ANKFN1: variants seen among roughly 807,000 people sequenced by gnomAD.
ANKFN1 encodes the protein ankyrin repeat and fibronectin type III domain containing 1.
ANKFN1 carries 74 observed loss-of-function variants against 108.7 expected under a neutral mutation model. That is an observed-to-expected ratio of 0.68 (90% confidence interval 0.56 to 0.83). ANKFN1 has a LOEUF of 0.83. Among genes scored for constraint, ANKFN1 ranks in the 40% least tolerant of loss-of-function variants. The probability of loss-of-function intolerance (pLI) is 0.00; values close to 1 mark genes in which losing one functional copy is unlikely to be tolerated. For synonymous variants in ANKFN1, 547 were observed against 516.2 expected (o/e 1.06, Z -0.81); for missense variants, 1,505 against 1,382.3 (o/e 1.09, Z -1.41).
intron 3 of ANKFN1, among the ~76,000 whole-genome samples, chr17:56,287,485 CT>C (rs1390584428): frequency 1.3e-5 from 2 of 152,248 alleles, no homozygotes; most frequent in East Asian, 3.9e-4. Context: ...CCTAACACAC[CT>C]TTGACCCCCA....
intron 17 of ANKFN1, among the ~76,000 whole-genome samples, chr17:56,481,968 T>G (rs944450704): frequency 1.3e-5 from 2 of 152,094 alleles, no homozygotes; most frequent in African/African-American, 4.8e-5. Context: ...TTTTGGATAC[T>G]TGTAAAATTT....
chr17:56,406,097 G>T (rs936319576), intron 8 of ANKFN1, among the ~76,000 whole-genome samples: 20 of 152,086 alleles, frequency 1.3e-4, no homozygotes, highest in Non-Finnish European at 1.3e-4. Context: ...GAGAGGAAAA[G>T]GCAATGGGAA....
intron 4 of ANKFN1, among the ~76,000 whole-genome samples, chr17:56,105,381 C>T (rs572869372): frequency 1.3e-5 from 2 of 152,276 alleles, no homozygotes; most frequent in South Asian, 2.1e-4. Context: ...TACCCCTGCA[C>T]ACCTCCGAGG....
intron 1 of ANKFN1, among the ~76,000 whole-genome samples, chr17:56,212,046 A>T (rs966249599): frequency 6.6e-6 from 1 of 151,632 alleles, no homozygotes; most frequent in Non-Finnish European, 1.5e-5. Flanking sequence ...TCATCAGCAA[A>T]CAGTGACAGT....
intron 3 of ANKFN1, among the ~76,000 whole-genome samples, chr17:56,280,006 G>A (rs9916174): frequency 0.37 from 51,371 of 138,272 alleles, 9,186 homozygotes; most frequent in Middle Eastern, 0.6. Flanking sequence ...GCCACATAAT[G>A]TCTTTTTTTT....
intron 3 of ANKFN1, among the ~76,000 whole-genome samples, chr17:56,289,572 G>T (rs2044305474): frequency 6.6e-6 from 1 of 152,194 alleles, no homozygotes; most frequent in African/African-American, 2.4e-5. Flanking sequence ...AACTTGCCCT[G>T]TGGCTGCTTT....
intron 3 of ANKFN1, among the ~76,000 whole-genome samples, chr17:56,274,494 A>AGC (rs2043872095): frequency 3.9e-5 from 6 of 152,130 alleles, no homozygotes; most frequent in African/African-American, 1.4e-4. Context: ...AATAATAATA[A>AGC]TTCTACTATA....
At chr17:56,050,923 T>G (rs1474750391) in intron 4 of ANKFN1, among the ~76,000 whole-genome samples, 1 of 147,740 alleles carries the variant, frequency 6.8e-6, no homozygotes, top group Non-Finnish European at 1.5e-5. Flanking sequence ...GTGGCAATAA[T>G]CAATAGTTTA....
At chr17:56,279,830 G>A (rs1023290298) in intron 3 of ANKFN1, among the ~76,000 whole-genome samples, 3 of 152,102 alleles carry the variant, frequency 2.0e-5, no homozygotes, top group African/African-American at 4.8e-5. Flanking sequence ...GGCAACTCGC[G>A]TATCATTTCT....
intron 8 of ANKFN1, among the ~76,000 whole-genome samples, chr17:56,430,883 A>C (rs1450626662): frequency 6.6e-6 from 1 of 152,210 alleles, no homozygotes; most frequent in African/African-American, 2.4e-5. Context: ...CCAGGACCCA[A>C]TGTTGTCTTG....
chr17:56,451,409 T>A (rs2049482138), intron 11 of ANKFN1, among the ~76,000 whole-genome samples: 1 of 152,156 alleles, frequency 6.6e-6, no homozygotes, highest in African/African-American at 2.4e-5. Context: ...TGCAGAAGGA[T>A]AAATGAAGAA....
At chr17:56,312,753 G>T (rs1449757629) in intron 3 of ANKFN1, among the ~76,000 whole-genome samples, 1 of 152,362 alleles carries the variant, frequency 6.6e-6, no homozygotes, top group African/African-American at 2.4e-5. Flanking sequence ...GTATTATAGT[G>T]AATAAGGGAT....
chr17:56,103,649 C>G (rs535291439), intron 4 of ANKFN1, among the ~76,000 whole-genome samples: 17 of 152,224 alleles, frequency 1.1e-4, no homozygotes, highest in Admixed American at 3.9e-4. Flanking sequence ...TTTCATTCAA[C>G]CAGCATAATC....
chr17:56,220,589 G>A (rs906112542), intron 2 of ANKFN1, among the ~76,000 whole-genome samples: 4 of 151,992 alleles, frequency 2.6e-5, no homozygotes, highest in Non-Finnish European at 4.4e-5. Flanking sequence ...AGACCAGGGA[G>A]GTTGAGGCTG....
At position 56,064,294 on chromosome 17, in the gene ANKFN1, C is replaced by A. The variant is rs182192065; in HGVS notation, c.288+17969C>A. ...GTGCTGTGCTGGGGGAAAACCCACT[C>A]GTCTGGGCTGCCCATATTCCTCTGT... is the stretch of plus-strand genomic sequence containing the variant. On this transcript the variant is annotated intron_variant, in intron 4 of 12. Coordinates refer to the ANKFN1 transcript ENST00000635860. Among the ~76,000 whole-genome samples the A allele has an allele frequency of 2.9e-4, 44 of 152,322 alleles. No individual in the cohort carries two copies. The East Asian group carries it at 7.1e-3, about 25-fold the overall frequency.
chr17:56,084,305 C>A (rs1156678836), intron 4 of ANKFN1, among the ~76,000 whole-genome samples: 1 of 149,998 alleles, frequency 6.7e-6, no homozygotes, highest in Non-Finnish European at 1.5e-5. Context: ...TCACGGCAAC[C>A]AAGAATGGGG....
intron 6 of ANKFN1, among the ~76,000 whole-genome samples, chr17:56,358,562 G>T (rs752154894): frequency 6.6e-5 from 10 of 152,122 alleles, no homozygotes; most frequent in Admixed American, 1.3e-4. Flanking sequence ...TTTATTCAAT[G>T]ACTTTTTTCT....
At chr17:56,358,396 A>T (rs1332491166) in intron 6 of ANKFN1, among the ~76,000 whole-genome samples, 1 of 152,164 alleles carries the variant, frequency 6.6e-6, no homozygotes, top group Non-Finnish European at 1.5e-5. Context: ...TGCCAGAGCC[A>T]CATGGATGTG....
rs184982339 is a variant in ANKFN1, at chr17:56,203,429, C to T, written c.-70-9169C>T. Among the ~76,000 whole-genome samples, 332 of 152,292 alleles carry T rather than the reference C, an allele frequency of 2.2e-3. 3 individuals carry two copies. The highest frequency in any genetic ancestry group is 3.0e-3 in the Non-Finnish European group (206 of 68,030). ...GCTTTTCCGACTGCCCTAGCCAAGT[C>T]TAGGCCCTCAATATTCATTCCTGAT... On this transcript the variant is annotated intron_variant, in intron 1 of 20. Transcript: ENST00000682825.
Sources: allele counts gnomAD v4.1 joint callset (sites outside exome capture counted in the v4.1 genomes callset), GRCh38; gene constraint gnomAD v4.1.1; transcripts MANE v1.5; gene names NCBI Gene and HGNC (gene_info 2026-07-23, HGNC 2026-07-21).